Variants in SPESP1 observed in about 807,000 individuals in gnomAD.
SPESP1 encodes the protein sperm equatorial segment protein 1, also known as equatorial segment protein.
In SPESP1, 1 loss-of-function variant was observed where a neutral mutation model predicts 3.1. That is an observed-to-expected ratio of 0.33 (90% CI 0.12 to 1.54). The LOEUF is 1.54. Among genes scored for constraint, SPESP1 ranks in the 40% most tolerant of loss-of-function variants. SPESP1 has a pLI of 0.38. For missense variants in SPESP1, 398 were observed against 410.1 expected (o/e 0.97, Z 0.26); for synonymous variants, 138 against 150.7 (o/e 0.92, Z 0.62).
intron 1 of SPESP1, among the ~76,000 whole-genome samples, chr15:68,943,117 A>G (rs1480840758): frequency 1.3e-5 from 2 of 151,498 alleles, no homozygotes; most frequent in Non-Finnish European, 2.9e-5. Context: ...GTGTTTAGTG[A>G]GTAAAACATT....
At chr15:68,930,813 G>A (rs1268980676) in intron 1 of SPESP1, 96 bp downstream of exon 1, 4 of 1,578,616 alleles carry the variant, frequency 2.5e-6, no homozygotes, top group African/African-American at 2.7e-5. Flanking sequence ...CTTCTCCCTG[G>A]TCCTACATGC....
At chr15:68,937,705 T>C (rs532778146) in intron 1 of SPESP1, among the ~76,000 whole-genome samples, 2 of 152,240 alleles carry the variant, frequency 1.3e-5, no homozygotes, top group South Asian at 4.1e-4. Flanking sequence ...TTCTCCTCTC[T>C]GGGTAGGAGG....
At chr15:68,944,166 CTTAAAA>C in intron 1 of SPESP1, among the ~76,000 whole-genome samples, 1 of 152,066 alleles carries the variant, frequency 6.6e-6, no homozygotes, top group East Asian at 1.9e-4. Context: ...AACCATAGCA[CTTAAAA>C]TTAAAATACC....
intron 1 of SPESP1, among the ~76,000 whole-genome samples, chr15:68,937,728 C>T (rs1895719876): frequency 6.6e-6 from 1 of 152,074 alleles, no homozygotes; most frequent in Non-Finnish European, 1.5e-5. Context: ...ACTTATTTTA[C>T]TAAGGAAGTA....
chr15:68,945,749 C>G lies in SPESP1; in HGVS notation c.215C>G (p.Ser72Ter), dbSNP rs767127121. The change falls in exon 2 of 2, where the codon TCA becomes TGA. Residue 72 changes from serine to a stop codon, truncating the protein, a stop_gained. Coordinates refer to ENST00000310673, the MANE Select transcript of SPESP1 (RefSeq NM_145658.4). LOFTEE classifies it low-confidence loss of function (END_TRUNC). Reference sequence around the variant, plus strand: ...GTTTATTCTATAGCATCAAAGGGATCAAAATTTAAGGAGCTAGTTACACAT... The same window carrying G: ...GTTTATTCTATAGCATCAAAGGGATGAAAATTTAAGGAGCTAGTTACACAT... Reference protein sequence around the residue: ...KHVYSIASKGSKFKELVTHGD... With the variant: ...KHVYSIASKG 6.2e-7 allele frequency: 1 copy of G among 1,613,894 alleles called. No homozygotes were observed. The highest frequency in any genetic ancestry group is 8.5e-7 in the Non-Finnish European group (1 of 1,179,952).
rs148871939 is a variant in SPESP1 at position 68,936,346 on chromosome 15, A to G, written c.64+5629A>G. Among the ~76,000 whole-genome samples the G allele has an allele frequency of 3.0e-3, 454 of 152,368 alleles. 1 individual carries two copies. Among genetic ancestry groups the G allele is most frequent in the African/African-American group, 0.01 (431 of 41,588 alleles). ...CTGGCCAAGGGCAAAGTAGAAATGT[A>G]TGTGTATCTACACAATGAAATATTA... On this transcript the variant is annotated intron_variant, in intron 1 of 1. Transcript: ENST00000310673.
chr15:68,931,157 A>C lies in SPESP1; in HGVS notation c.64+440A>C, dbSNP rs567105851. ...CAGCGTGCAGGTTTGTTACATATGT[A>C]TCCATGTGCCATATTGGTGTGCTGC... On this transcript the variant is annotated intron_variant, in intron 1 of 1. Transcript: ENST00000310673. Among the ~76,000 whole-genome samples, 88 of 151,792 alleles carry C rather than the reference A, an allele frequency of 5.8e-4. 1 individual carries two copies. In the South Asian group the frequency reaches 0.018, roughly 31 times the overall value.
intron 1 of SPESP1, among the ~76,000 whole-genome samples, chr15:68,940,837 G>A (rs1184869840): frequency 7.0e-6 from 1 of 143,646 alleles, no homozygotes; most frequent in Non-Finnish European, 1.5e-5. Context: ...CGGATTTTTT[G>A]CCTTTTTAGG....
Position 68,944,502 on chromosome 15 carries a change from CTT to C in SPESP1, c.65-1095_65-1094del, listed in dbSNP as rs1281928253. 3.9e-5 allele frequency among the ~76,000 whole-genome samples: 6 copies of C among 151,948 alleles called. No homozygotes were observed. In the East Asian group the frequency reaches 1.2e-3, roughly 29 times the overall value. On this transcript the variant is annotated intron_variant, in intron 1 of 1. Transcript: ENST00000310673. ...AGACAGGAAATATTTCCTGACTAGA[CTT>C]TAGTCAAGAATATATATATATTTTT...
chr15:68,930,643 G>A lies in SPESP1; in HGVS notation c.-11G>A. ...TTCCGGTCGCATGGCAGAGTGCTAC[G>A]GACGACGCCTATGAAGCCCTTAGTC... On this transcript the variant is annotated 5_prime_UTR_variant, in exon 1 of 2. Transcript: ENST00000310673. 1 of 1,613,828 alleles carries A rather than the reference G, an allele frequency of 6.2e-7. No individual in the cohort carries two copies. The highest frequency in any genetic ancestry group is 8.5e-7 in the Non-Finnish European group (1 of 1,179,784).
chr15:68,939,915 GC>G (rs1286026202), intron 1 of SPESP1: 1 of 152,160 alleles, frequency 6.6e-6, no homozygotes, highest in Non-Finnish European at 1.5e-5. Context: ...GTGTTTAGCA[GC>G]CTATAATCTA....
At chr15:68,931,577 G>A (rs945608132) in intron 1 of SPESP1, among the ~76,000 whole-genome samples, 5 of 152,224 alleles carry the variant, frequency 3.3e-5, no homozygotes, top group African/African-American at 1.2e-4. Context: ...ACACTCACCT[G>A]AGGATGCGCT....
At position 68,946,111 on chromosome 15, in the gene SPESP1, T is replaced by A. The variant is rs759950589; in HGVS notation, c.577T>A (p.Ser193Thr). 1.2e-6 allele frequency: 2 copies of A among 1,614,160 alleles called. No homozygotes were observed. Among genetic ancestry groups the A allele is most frequent in the Non-Finnish European group, 1.7e-6 (2 of 1,180,010 alleles). ...AGATAAGAGCACTGGCATTGGGATC[T>A]CTACAGAATCAGAAGATGTTCCTCA... ...TLDKSTGIGI[S>T]TESEDVPQLS... The change falls in exon 2 of 2, where the codon TCT (serine) becomes ACT (threonine). Residue 193 changes from serine to threonine, a missense_variant. Physicochemically the swap from Ser to Thr is moderately conservative, Grantham distance 58. Coordinates refer to ENST00000310673, the MANE Select transcript of SPESP1 (RefSeq NM_145658.4).
intron 1 of SPESP1, among the ~76,000 whole-genome samples, chr15:68,931,995 A>G (rs1895555565): frequency 6.6e-6 from 1 of 152,280 alleles, no homozygotes; most frequent in Admixed American, 6.5e-5. Flanking sequence ...AATCTAAATT[A>G]TGAATAGTAA....
chr15:68,933,742 C>T (rs1159043602), intron 1 of SPESP1, among the ~76,000 whole-genome samples: 1 of 151,682 alleles, frequency 6.6e-6, no homozygotes, highest in East Asian at 1.9e-4. Context: ...GCCTGTAGTC[C>T]CAGCTATTCG....
At chr15:68,939,450 G>A (rs923717377) in intron 1 of SPESP1, among the ~76,000 whole-genome samples, 1 of 152,220 alleles carries the variant, frequency 6.6e-6, no homozygotes, top group Admixed American at 6.5e-5. Flanking sequence ...ACAGCCATCT[G>A]TAGGGACAGT....
chr15:68,941,501 C>T (rs115401363), intron 1 of SPESP1, among the ~76,000 whole-genome samples: 3 of 152,114 alleles, frequency 2.0e-5, no homozygotes, highest in African/African-American at 7.2e-5. Context: ...GGGAAAAATA[C>T]GCTCCTTGCG....
chr15:68,943,103 G>A (rs927006392), intron 1 of SPESP1, among the ~76,000 whole-genome samples: 1 of 151,908 alleles, frequency 6.6e-6, no homozygotes, highest in Non-Finnish European at 1.5e-5. Flanking sequence ...GTGTGTATGT[G>A]TGTGTGTTTA....
chr15:68,937,051 G>A (rs938082195), intron 1 of SPESP1, among the ~76,000 whole-genome samples: 1 of 151,982 alleles, frequency 6.6e-6, no homozygotes, highest in African/African-American at 2.4e-5. Flanking sequence ...AATAATTATT[G>A]GACAATTAGC....
Sources: allele counts gnomAD v4.1 joint callset (sites outside exome capture counted in the v4.1 genomes callset), GRCh38; gene constraint gnomAD v4.1.1; transcripts MANE v1.5; gene names NCBI Gene and HGNC (gene_info 2026-07-23, HGNC 2026-07-21).